The following DOK6 variants were observed in gnomAD, a reference collection of about 807,000 sequenced individuals.
DOK6 encodes the protein docking protein 6.
Under a neutral mutation model 44.0 loss-of-function variants are expected in DOK6, and 22 were observed. That is an observed-to-expected ratio of 0.50 (90% CI 0.36 to 0.71). DOK6 has a LOEUF of 0.71. DOK6 is among the 30% of genes least tolerant of loss of function. DOK6 has a pLI of 0.00. For synonymous variants in DOK6, 166 were observed against 145.5 expected (o/e 1.14, Z -1.01); for missense variants, 340 against 416.4 (o/e 0.82, Z 1.60).
chr18:69,717,167 G>T (rs990512901), intron 5 of DOK6, among the ~76,000 whole-genome samples: 5 of 152,206 alleles, frequency 3.3e-5, no homozygotes, highest in African/African-American at 1.2e-4. Flanking sequence ...CACAGGTGGA[G>T]AGATTGACTC....
At chr18:69,405,835 C>A (rs1713977433) in intron 1 of DOK6, among the ~76,000 whole-genome samples, 1 of 152,066 alleles carries the variant, frequency 6.6e-6, no homozygotes, top group South Asian at 2.1e-4. Flanking sequence ...TTTAAAAATT[C>A]TAAAGGAATT....
chr18:69,662,045 T>A (rs2144672715), intron 3 of DOK6: 1 of 152,344 alleles, frequency 6.6e-6, no homozygotes, highest in South Asian at 2.1e-4. Flanking sequence ...TTGATGCAGA[T>A]CTCGGCTCAC....
chr18:69,460,923 T>G (rs759823283), intron 1 of DOK6, among the ~76,000 whole-genome samples: 3 of 152,190 alleles, frequency 2.0e-5, no homozygotes, highest in African/African-American at 7.2e-5. Flanking sequence ...TGAACCTGTC[T>G]TGTTTCTGTG....
chr18:69,782,451 TC>T, intron 7 of DOK6, among the ~76,000 whole-genome samples: 1 of 151,990 alleles, frequency 6.6e-6, no homozygotes, highest in African/African-American at 2.4e-5. Flanking sequence ...GACCTCGTGA[TC>T]CCCCCGCCTC....
chr18:69,485,422 C>T (rs1980546714), intron 1 of DOK6, among the ~76,000 whole-genome samples: 1 of 152,188 alleles, frequency 6.6e-6, no homozygotes, highest in South Asian at 2.1e-4. Context: ...TTACCCCAGA[C>T]CATCAAAGGC....
chr18:69,454,958 T>A (rs1599139276), intron 1 of DOK6, among the ~76,000 whole-genome samples: 1 of 140,462 alleles, frequency 7.1e-6, no homozygotes, highest in Non-Finnish European at 1.5e-5. Flanking sequence ...TACCTAAGGC[T>A]AGATGACGAG....
Position 69,678,209 on chromosome 18 carries a change from A to C in DOK6, c.409+356A>C, listed in dbSNP as rs12955367. Among the ~76,000 whole-genome samples the C allele has an allele frequency of 2.3e-3, 345 of 152,288 alleles. 1 individual carries two copies. The highest frequency in any genetic ancestry group is 6.8e-3 in the Middle Eastern group (2 of 294). ...GGTTGCAATGAGCCAAGATCACGCCACTGCACTCCAGCCTGGACAACAGAG... is the reference window on the plus strand; with the variant it reads ...GGTTGCAATGAGCCAAGATCACGCCCCTGCACTCCAGCCTGGACAACAGAG... On this transcript the variant is annotated intron_variant, in intron 4 of 7. Transcript: ENST00000382713.
intron 1 of DOK6, among the ~76,000 whole-genome samples, chr18:69,558,522 C>G (rs1161490859): frequency 6.6e-6 from 1 of 152,030 alleles, no homozygotes; most frequent in Non-Finnish European, 1.5e-5. Context: ...GAGATCTGAT[C>G]AAAATATGAC....
Position 69,841,560 on chromosome 18 carries a change from G to C in DOK6, c.*177G>C. On this transcript the variant is annotated 3_prime_UTR_variant, in exon 8 of 8. Transcript: ENST00000382713. ...TCTGCTTCCTTGATTCAGTGGCTAAGTCCTTTATTTATTGAATTTCTTTGG... is the reference window on the plus strand; with the variant it reads ...TCTGCTTCCTTGATTCAGTGGCTAACTCCTTTATTTATTGAATTTCTTTGG... 1.4e-6 allele frequency: 1 copy of C among 734,876 alleles called. No individual in the cohort carries two copies. Among genetic ancestry groups the C allele is most frequent in the Non-Finnish European group, 2.0e-6 (1 of 488,876 alleles). 45.5% of individuals were successfully genotyped at this position (734,876 alleles called of 1,614,324 possible). A position where few individuals can be genotyped will look rare whatever the true frequency, so the allele number is the denominator to read the frequency against.
intron 7 of DOK6, among the ~76,000 whole-genome samples, chr18:69,814,028 AGG>A (rs1426848255): frequency 6.6e-6 from 1 of 151,976 alleles, no homozygotes; most frequent in Admixed American, 6.6e-5. Flanking sequence ...GTAGTGCCAA[AGG>A]GAGGAGACAC....
intron 7 of DOK6, among the ~76,000 whole-genome samples, chr18:69,761,555 G>A (rs1393004288): frequency 6.6e-6 from 1 of 152,112 alleles, no homozygotes; most frequent in Non-Finnish European, 1.5e-5. Context: ...TTCTGTAACT[G>A]CTTCCTGCTG....
chr18:69,742,065 A>G (rs1408399027), intron 6 of DOK6, among the ~76,000 whole-genome samples: 2 of 152,188 alleles, frequency 1.3e-5, no homozygotes, highest in Non-Finnish European at 1.5e-5. Flanking sequence ...ACATATATCC[A>G]TAGTCTGAAT....
intron 1 of DOK6, among the ~76,000 whole-genome samples, chr18:69,468,379 A>G (rs937099601): frequency 6.6e-6 from 1 of 152,234 alleles, no homozygotes; most frequent in African/African-American, 2.4e-5. Context: ...TCAAAATGTC[A>G]TATGTGCCCC....
chr18:69,555,264 C>T (rs1406166429), intron 1 of DOK6, among the ~76,000 whole-genome samples: 1 of 152,108 alleles, frequency 6.6e-6, no homozygotes, highest in Admixed American at 6.5e-5. Flanking sequence ...TAAGGATCCA[C>T]CAGATTCCTA....
intron 3 of DOK6, among the ~76,000 whole-genome samples, chr18:69,651,134 G>C (rs1042015379): frequency 1.3e-5 from 2 of 152,136 alleles, no homozygotes; most frequent in Non-Finnish European, 2.9e-5. Context: ...ATGCTTCCCA[G>C]TACGAAGCAT....
At chr18:69,559,337 T>C (rs1487572002) in intron 1 of DOK6, among the ~76,000 whole-genome samples, 1 of 152,122 alleles carries the variant, frequency 6.6e-6, no homozygotes, top group Non-Finnish European at 1.5e-5. Flanking sequence ...GTTCCCAAGC[T>C]ATGAGTAACA....
At position 69,841,304 on chromosome 18, in the gene DOK6, A is replaced by G; in HGVS notation, c.917A>G (p.Glu306Gly). The part of the protein sequence containing the change: ...RAQTFPSYAP[E>G]QSEEAQQPLS... ...CAGACATTTCCCAGCTACGCCCCAG[A>G]ACAGAGTGAAGAGGCCCAGCAGCCG... Residue 306 changes from glutamate to glycine, a missense_variant, in exon 8 of 8, where the codon GAA becomes GGA. This residue lies in a region of DOK6 where 112 missense variants were observed against 109.3 expected (regional missense o/e 1.02). Transcript: ENST00000382713. 1 of 1,614,182 alleles carries G rather than the reference A, an allele frequency of 6.2e-7. No homozygotes were observed. The highest frequency in any genetic ancestry group is 8.5e-7 in the Non-Finnish European group (1 of 1,180,026).
chr18:69,527,594 G>C (rs1981866291), intron 1 of DOK6, among the ~76,000 whole-genome samples: 1 of 152,046 alleles, frequency 6.6e-6, no homozygotes, highest in East Asian at 1.9e-4. Flanking sequence ...GATTTGGGTG[G>C]GGACAGAGTC....
chr18:69,588,485 A>G lies in DOK6; in HGVS notation c.175-10899A>G, dbSNP rs78841265. On this transcript the variant is annotated intron_variant, in intron 2 of 7. Coordinates refer to ENST00000382713, the MANE Select transcript of DOK6 (RefSeq NM_152721.6). Reference sequence around the variant, plus strand: ...GACATTCCGATAGGGCAGCAGCACTAGAGAGGAAGGCTGGTTTTATCATGA... The same window carrying G: ...GACATTCCGATAGGGCAGCAGCACTGGAGAGGAAGGCTGGTTTTATCATGA... 6.0e-3 allele frequency among the ~76,000 whole-genome samples: 911 copies of G among 152,270 alleles called. 16 individuals are homozygous for G. The highest frequency in any genetic ancestry group is 0.021 in the African/African-American group (871 of 41,562).
Sources: allele counts gnomAD v4.1 joint callset (sites outside exome capture counted in the v4.1 genomes callset), GRCh38; gene constraint gnomAD v4.1.1; regional missense constraint gnomAD v4.1.1; transcripts MANE v1.5; gene names NCBI Gene and HGNC (gene_info 2026-07-23, HGNC 2026-07-21).